The following IPCEF1 variants were observed in gnomAD, a reference collection of about 807,000 sequenced individuals.
IPCEF1 encodes interaction protein for cytohesin exchange factors 1.
A neutral mutation model predicts 50.9 loss-of-function variants in IPCEF1; 31 were observed. The ratio of observed to expected loss-of-function variants is 0.61; its 90% CI spans 0.46 to 0.82. IPCEF1 has a LOEUF of 0.82. IPCEF1 is among the 40% of genes least tolerant of loss of function. IPCEF1 has a pLI of 0.00. For missense variants in IPCEF1, 458 were observed against 514.0 expected (o/e 0.89, Z 1.05); for synonymous variants, 181 against 192.0 (o/e 0.94, Z 0.47).
intron 5 of IPCEF1, among the ~76,000 whole-genome samples, chr6:154,229,529 T>A (rs1779559267): frequency 6.6e-6 from 1 of 151,848 alleles, no homozygotes; most frequent in South Asian, 2.1e-4. Context: ...TTTTGTATTT[T>A]TTTTTTTTTA....
At chr6:154,214,190 A>C (rs370223002) in intron 8 of IPCEF1, 28 bp downstream of exon 8, 1 of 1,483,144 alleles carries the variant, frequency 6.7e-7, no homozygotes, top group Non-Finnish European at 9.4e-7. Context: ...TTCTTGCTAA[A>C]TTTTCAGAAA....
At chr6:154,222,084 TG>T (rs1562550898) in intron 6 of IPCEF1, among the ~76,000 whole-genome samples, 1 of 152,220 alleles carries the variant, frequency 6.6e-6, no homozygotes, top group East Asian at 1.9e-4. Context: ...TAATCAGGTA[TG>T]GAACGTCCAC....
rs192853791 is a variant in IPCEF1, at chr6:154,175,486, G to A, written c.911-7373C>T. Among the ~76,000 whole-genome samples, 210 of 150,938 alleles carry A rather than the reference G, an allele frequency of 1.4e-3. 2 individuals are homozygous for A. The highest frequency in any genetic ancestry group is 5.0e-3 in the African/African-American group (204 of 41,198). ...TAGACACAATAAAAAATGATAAAGG[G>A]GATATCACCACCAATCCCACAGAAA... On this transcript the variant is annotated intron_variant, in intron 10 of 11. Transcript: ENST00000367220.
chr6:154,184,314 C>T (rs1476661400), intron 10 of IPCEF1, among the ~76,000 whole-genome samples: 1 of 152,020 alleles, frequency 6.6e-6, no homozygotes, highest in East Asian at 1.9e-4. Context: ...AAATCACCTA[C>T]ATTTCCATCT....
rs865825832 is a variant in IPCEF1 at position 154,198,359 on chromosome 6, C to G, written c.910+1309G>C. Among the ~76,000 whole-genome samples, 22 of 152,292 alleles carry G rather than the reference C, an allele frequency of 1.4e-4. No homozygotes were observed. In the South Asian group the frequency reaches 2.3e-3, roughly 16 times the overall value. On this transcript the variant is annotated intron_variant, in intron 10 of 11. Coordinates refer to ENST00000367220, the MANE Select transcript of IPCEF1 (RefSeq NM_001130700.2). ...AGTCCAATCTTCAGCCCTCTCCATT[C>G]CTCAGTGACAAGGTTTCCTTTCTCC...
chr6:154,158,527 TAA>T lies in IPCEF1; in HGVS notation c.*1299_*1300del, dbSNP rs966414293. On this transcript the variant is annotated 3_prime_UTR_variant, in exon 12 of 12. Transcript: ENST00000367220. ...TCTAAGATGAAAGTCCTTTGCTGGT[TAA>T]AAGAGTGACTTACAAGAGATAGAAA... The T allele has an allele frequency of 6.6e-6, 1 of 152,154 alleles. No homozygotes were observed. Among genetic ancestry groups the T allele is most frequent in the African/African-American group, 2.4e-5 (1 of 41,430 alleles). 9.4% of individuals were successfully genotyped at this position (152,154 alleles called of 1,614,324 possible).
rs1284332633 is a variant in IPCEF1, at chr6:154,294,975, CATTAT to C, written c.-61-5224_-61-5220del. On this transcript the variant is annotated intron_variant, in intron 1 of 11. Coordinates refer to ENST00000367220, the MANE Select transcript of IPCEF1 (RefSeq NM_001130700.2). ...GCACTTTGGGAGGCCAAGGCGGGCA[CATTAT>C]GAGGTCAGGAGATCGAGACCAGCCT... 6.0e-3 allele frequency among the ~76,000 whole-genome samples: 911 copies of C among 152,174 alleles called. 8 individuals are homozygous for C. Among genetic ancestry groups the C allele is most frequent in the Non-Finnish European group, 7.3e-3 (495 of 67,988 alleles).
At chr6:154,164,705 G>A (rs1351888709) in intron 11 of IPCEF1, among the ~76,000 whole-genome samples, 1 of 152,136 alleles carries the variant, frequency 6.6e-6, no homozygotes, top group African/African-American at 2.4e-5. Context: ...GAGTAGCTAC[G>A]GGAAGAAAGG....
At chr6:154,178,984 T>C (rs1027736330) in intron 10 of IPCEF1, among the ~76,000 whole-genome samples, 2 of 152,180 alleles carry the variant, frequency 1.3e-5, no homozygotes, top group African/African-American at 4.8e-5. Context: ...TGTGTCATAA[T>C]CTAAGAGGTC....
intron 1 of IPCEF1, among the ~76,000 whole-genome samples, chr6:154,302,661 G>C (rs1042304909): frequency 2.6e-5 from 4 of 152,040 alleles, no homozygotes; most frequent in Admixed American, 1.3e-4. Flanking sequence ...TTTTTGTGGA[G>C]ACAGGGCTTC....
intron 1 of IPCEF1, among the ~76,000 whole-genome samples, chr6:154,331,405 A>AAGAAAGAAAGAAAGAAAGAAAGAAAGTG (rs60403800): frequency 1.1e-5 from 1 of 92,948 alleles, no homozygotes; most frequent in African/African-American, 4.1e-5. Context: ...GAAAGAAAGA[A>AAGAAAGAAAGAAAGAAAGAAAGAAAGTG]AGAGAGAGAA....
intron 9 of IPCEF1, among the ~76,000 whole-genome samples, chr6:154,208,574 CA>C (rs1777698331): frequency 6.6e-6 from 1 of 152,200 alleles, no homozygotes; most frequent in Non-Finnish European, 1.5e-5. Context: ...CCACTTTATT[CA>C]CTGATGTGTT....
At chr6:154,221,430 C>A in intron 6 of IPCEF1, 102 bp from the exon 7 acceptor site, 1 of 857,874 alleles carries the variant, frequency 1.2e-6, no homozygotes, top group Non-Finnish European at 1.9e-6. Flanking sequence ...AACTTGTCTG[C>A]TTTCTTTGTA....
rs367922415 is a variant in IPCEF1, at chr6:154,214,070, G to C, written c.451+148C>G. 10 of 647,286 alleles carry C rather than the reference G, an allele frequency of 1.5e-5. No individual in the cohort carries two copies. In the African/African-American group the frequency reaches 1.8e-4, roughly 12 times the overall value. The allele number at this position is 647,286 out of a possible 1,614,324, so 40.1% of individuals were successfully genotyped here. ...TTGGTGAGTCTGTGTGAATATGTCT[G>C]TCTCCACATATTTTCAGATCATCTT... On this transcript the variant is annotated intron_variant, in intron 8 of 11. Transcript: ENST00000367220.
rs1437557557 is a variant in IPCEF1, at chr6:154,210,932, AGAGG to A, written c.537+1834_537+1837del. Among the ~76,000 whole-genome samples, 20 of 152,362 alleles carry A rather than the reference AGAGG, an allele frequency of 1.3e-4. No homozygotes were observed. The South Asian group carries it at 4.1e-3, about 32-fold the overall frequency. On this transcript the variant is annotated intron_variant, in intron 9 of 11. Transcript: ENST00000367220. The stretch of plus-strand genomic sequence containing the variant: ...TCCACTGACAGTGTGAAAAAACAGT[AGAGG>A]TCATTATTTAAATAATCAATATAAT...
intron 1 of IPCEF1, among the ~76,000 whole-genome samples, chr6:154,304,844 T>G (rs940813566): frequency 6.6e-6 from 1 of 152,184 alleles, no homozygotes; most frequent in African/African-American, 2.4e-5. Flanking sequence ...CCGGGCGCGG[T>G]GGCTCACGCC....
intron 3 of IPCEF1, among the ~76,000 whole-genome samples, chr6:154,252,429 C>A (rs1047952171): frequency 6.6e-6 from 1 of 152,120 alleles, no homozygotes; most frequent in African/African-American, 2.4e-5. Context: ...GTAATCCCAG[C>A]ACTTTGGGAG....
chr6:154,299,003 T>C (rs1364416391), intron 1 of IPCEF1, among the ~76,000 whole-genome samples: 1 of 139,910 alleles, frequency 7.1e-6, no homozygotes, highest in African/African-American at 2.5e-5. Context: ...ATTGTGCACA[T>C]GCATACACAC....
At chr6:154,351,289 A>G (rs1485951775) in intron 1 of IPCEF1, among the ~76,000 whole-genome samples, 1 of 152,208 alleles carries the variant, frequency 6.6e-6, no homozygotes, top group Non-Finnish European at 1.5e-5. Context: ...CTTTGTGGTG[A>G]CGGAACAGTC....
Sources: gnomAD v4.1 joint callset for allele counts (sites outside exome capture counted in the v4.1 genomes callset) on GRCh38, gnomAD v4.1.1 for gene constraint, MANE v1.5 for transcripts, NCBI Gene and HGNC (gene_info 2026-07-23, HGNC 2026-07-21) for gene names.